PTPRT: variants seen among roughly 807,000 people sequenced by gnomAD.
PTPRT encodes protein tyrosine phosphatase receptor type T.
Under a neutral mutation model 176.8 loss-of-function variants are expected in PTPRT, and 56 were observed. The observed-to-expected ratio is 0.32, with a 90% confidence interval of 0.26 to 0.40. The LOEUF (loss-of-function observed/expected upper bound fraction) is 0.40, where lower values mean the gene tolerates loss of function less well. PTPRT is among the 10% of genes least tolerant of loss of function. The probability of loss-of-function intolerance (pLI) is 1.00; values close to 1 mark genes in which losing one functional copy is unlikely to be tolerated. For missense variants in PTPRT, 1,540 were observed against 1,908.2 expected (o/e 0.81, Z 3.60); for synonymous variants, 783 against 739.0 (o/e 1.06, Z -0.96).
At chr20:43,156,266 C>T (rs1386246346) in intron 1 of PTPRT, among the ~76,000 whole-genome samples, 1 of 152,190 alleles carries the variant, frequency 6.6e-6, no homozygotes, top group Non-Finnish European at 1.5e-5. Flanking sequence ...TTGTCCATAA[C>T]AGAACCTCAG....
At chr20:42,853,867 G>C (rs974248336) in intron 2 of PTPRT, among the ~76,000 whole-genome samples, 5 of 152,200 alleles carry the variant, frequency 3.3e-5, no homozygotes, top group Admixed American at 1.3e-4. Flanking sequence ...TATCTTGAGA[G>C]ATGGGCTCCT....
At chr20:42,137,995 G>A (rs1988451251) in intron 18 of PTPRT, among the ~76,000 whole-genome samples, 1 of 152,192 alleles carries the variant, frequency 6.6e-6, no homozygotes, top group African/African-American at 2.4e-5. Context: ...TCTAATCCAG[G>A]AGGCTGATTG....
chr20:42,723,391 G>A (rs2076331363), intron 6 of PTPRT, among the ~76,000 whole-genome samples: 1 of 152,194 alleles, frequency 6.6e-6, no homozygotes, highest in Non-Finnish European at 1.5e-5. Context: ...CGAAGCTGCA[G>A]TGACTGCCTC....
At chr20:42,830,075 G>A (rs1227207147) in intron 2 of PTPRT, among the ~76,000 whole-genome samples, 2 of 152,098 alleles carry the variant, frequency 1.3e-5, no homozygotes, top group Non-Finnish European at 2.9e-5. Context: ...GAGGAGGATA[G>A]ACTCCTCCCC....
At chr20:42,809,513 G>A (rs1600770379) in intron 2 of PTPRT, among the ~76,000 whole-genome samples, 1 of 152,184 alleles carries the variant, frequency 6.6e-6, no homozygotes, top group South Asian at 2.1e-4. Context: ...TAGGGCTGCC[G>A]GAACAAATTA....
intron 12 of PTPRT, among the ~76,000 whole-genome samples, chr20:42,295,300 T>C: frequency 6.6e-6 from 1 of 152,120 alleles, no homozygotes; most frequent in East Asian, 1.9e-4. Context: ...AAGAAAACAA[T>C]GTGGCAGCAT....
At chr20:42,036,789 C>T in the PTPRT span, among the ~76,000 whole-genome samples, 9 of 152,156 alleles carry the variant, frequency 5.9e-5, no homozygotes, top group Non-Finnish European at 1.2e-4. Flanking sequence ...CCAGGGAGTA[C>T]TCAGCTTGTG....
intron 1 of PTPRT, among the ~76,000 whole-genome samples, chr20:42,978,700 G>C (rs996368472): frequency 6.6e-6 from 1 of 152,112 alleles, no homozygotes; most frequent in Non-Finnish European, 1.5e-5. Flanking sequence ...AAAGAAGCCC[G>C]CTAAATCCCA....
At chr20:42,930,547 C>T (rs1447266997) in intron 1 of PTPRT, among the ~76,000 whole-genome samples, 1 of 152,022 alleles carries the variant, frequency 6.6e-6, no homozygotes, top group Non-Finnish European at 1.5e-5. Flanking sequence ...CAGTGGTACA[C>T]TGATAGCTCA....
At chr20:42,360,393 A>G (rs2058417258) in intron 9 of PTPRT, among the ~76,000 whole-genome samples, 1 of 152,202 alleles carries the variant, frequency 6.6e-6, no homozygotes, top group Admixed American at 6.5e-5. Context: ...CAAAGAATGC[A>G]GTCAGAGTCC....
chr20:43,086,547 T>C (rs940538930), intron 1 of PTPRT, among the ~76,000 whole-genome samples: 9 of 152,206 alleles, frequency 5.9e-5, no homozygotes. Flanking sequence ...ATGAATAATT[T>C]GCACTCAGTA....
At chr20:42,866,244 G>T (rs1325511319) in intron 2 of PTPRT, among the ~76,000 whole-genome samples, 2 of 152,208 alleles carry the variant, frequency 1.3e-5, no homozygotes, top group Admixed American at 6.5e-5. Flanking sequence ...CACAGAGGTA[G>T]GGTCTCTGCA....
chr20:42,350,636 A>G lies in PTPRT; in HGVS notation c.1857T>C (p.Ala619=). 1 of 1,607,950 alleles carries G rather than the reference A, an allele frequency of 6.2e-7. No individual in the cohort carries two copies. Among genetic ancestry groups the G allele is most frequent in the Non-Finnish European group, 8.5e-7 (1 of 1,174,428 alleles). Residue 619 remains alanine (A), a synonymous_variant, in exon 11 of 31, where the codon GCT becomes GCC. Coordinates refer to ENST00000373187, the MANE Select transcript of PTPRT (RefSeq NM_007050.6). Reference sequence around the variant, plus strand: ...TGAAGAACCATCCTCACCTGACAGGAGCTCCCCGGGACTGAGCGGGTTTCA... The same window carrying G: ...TGAAGAACCATCCTCACCTGACAGGGGCTCCCCGGGACTGAGCGGGTTTCA... ...VMLKPAQSRG[A]PVSVYQLVVK...
intron 1 of PTPRT, among the ~76,000 whole-genome samples, chr20:43,077,092 C>T (rs771180730): frequency 2.0e-5 from 3 of 152,206 alleles, no homozygotes; most frequent in Non-Finnish European, 4.4e-5. Flanking sequence ...CCCCAGCCCA[C>T]TTTTTAATTT....
chr20:42,142,044 G>C lies in PTPRT; in HGVS notation c.2683-42C>G, dbSNP rs1413817891. ...GAGTGGTTAGAGTGGCCTGAGATAGGAGCTTTATGGAAGTGGAGATGAACC... is the reference window on the plus strand; with the variant it reads ...GAGTGGTTAGAGTGGCCTGAGATAGCAGCTTTATGGAAGTGGAGATGAACC... On this transcript the variant is annotated intron_variant, in intron 17 of 30. Transcript: ENST00000373187. 3 of 1,546,268 alleles carry C rather than the reference G, an allele frequency of 1.9e-6. No homozygotes were observed. In the South Asian group the frequency reaches 3.3e-5, roughly 17 times the overall value.
intron 16 of PTPRT, among the ~76,000 whole-genome samples, chr20:42,198,187 G>C (rs1991305648): frequency 6.6e-6 from 1 of 152,220 alleles, no homozygotes; most frequent in Non-Finnish European, 1.5e-5. Flanking sequence ...GTGGCTCTGA[G>C]ATGGCTGGCC....
chr20:43,013,428 T>A lies in PTPRT; in HGVS notation c.89-127496A>T, dbSNP rs189169110. 3.9e-5 allele frequency among the ~76,000 whole-genome samples: 6 copies of A among 152,230 alleles called. No individual in the cohort carries two copies. The East Asian group carries it at 1.2e-3, about 29-fold the overall frequency. ...TGCCACCTCTTTTGTGCCCAGAGGG[T>A]GTGCTAAACCCTGAAGAGACAGAAA... On this transcript the variant is annotated intron_variant, in intron 1 of 30. Coordinates refer to ENST00000373187, the MANE Select transcript of PTPRT (RefSeq NM_007050.6).
intron 3 of PTPRT, among the ~76,000 whole-genome samples, chr20:42,785,601 A>G (rs2077277501): frequency 6.6e-6 from 1 of 152,298 alleles, no homozygotes; most frequent in African/African-American, 2.4e-5. Flanking sequence ...GTGAGTAACC[A>G]TTAGTGACGG....
chr20:42,953,651 T>C (rs1342154824), intron 1 of PTPRT, among the ~76,000 whole-genome samples: 1 of 152,184 alleles, frequency 6.6e-6, no homozygotes, highest in African/African-American at 2.4e-5. Flanking sequence ...GTCAGCCATC[T>C]AAAGCTGCCC....
Sources: gnomAD v4.1 joint callset for allele counts (sites outside exome capture counted in the v4.1 genomes callset) on GRCh38, gnomAD v4.1.1 for gene constraint, MANE v1.5 for transcripts, NCBI Gene and HGNC (gene_info 2026-07-23, HGNC 2026-07-21) for gene names.